The following CROCC2 variants were observed in gnomAD, a reference collection of about 807,000 sequenced individuals.
CROCC2 encodes ciliary rootlet coiled-coil, rootletin family member 2.
In CROCC2, 163 loss-of-function variants were observed where a neutral mutation model predicts 177.6. That is an observed-to-expected ratio of 0.92 (90% CI 0.81 to 1.05). The LOEUF (loss-of-function observed/expected upper bound fraction) is 1.05. CROCC2 is among the 50% of genes least tolerant of loss of function. The pLI, the probability that CROCC2 is intolerant of heterozygous loss-of-function variation, is 0.00. For synonymous variants in CROCC2, 904 were observed against 787.3 expected, an observed-to-expected ratio of 1.15 and a Z score of -2.48; for missense variants, 1,929 against 1,797.8, an observed-to-expected ratio of 1.07 and a Z score of -1.32.
intron 19 of CROCC2, chr2:240,956,322 A>G: frequency 3.5e-6 from 1 of 286,166 alleles, no homozygotes; most frequent in Non-Finnish European, 6.7e-6. Flanking sequence ...CTGCTCGTAG[A>G]AAAGCACAGC....
In CROCC2 at chr2:240,964,601, G is replaced by A; in HGVS notation, c.3441G>A (p.Gln1147=). 1 of 1,549,376 alleles carries A rather than the reference G, an allele frequency of 6.5e-7. No individual in the cohort carries two copies. Among genetic ancestry groups the A allele is most frequent in the East Asian group, 2.4e-5 (1 of 40,882 alleles). Residue 1147 remains glutamine (Q), a synonymous_variant, in exon 22 of 32, where the codon CAG becomes CAA. Coordinates refer to ENST00000690015, the MANE Select transcript of CROCC2 (RefSeq NM_001351305.2). The part of the protein sequence containing the change: ...ELEQAGGDAR[Q]ELRELHRQVR... ...AGCAGGCAGGGGGGGACGCCCGTCA[G>A]GAGCTCCGGGAACTCCACAGACAGG...
chr2:240,936,119 G>A (rs538970109), intron 14 of CROCC2, among the ~76,000 whole-genome samples: 15 of 152,226 alleles, frequency 9.9e-5, no homozygotes, highest in South Asian at 2.1e-4. Flanking sequence ...CGCAGCCCCC[G>A]TCACATTCAG....
chr2:240,925,864 G>T lies in CROCC2; in HGVS notation c.629G>T (p.Arg210Leu), dbSNP rs1222264856. ...CTGCAGGGCGAGCTGGAGCTGAGGC[G>T]CTGGGCCCAGAGACAGGTGCTCCCC... is the stretch of plus-strand genomic sequence containing the variant. ...QRLQGELELR[R>L]WAQRQTRSGG... is the part of the protein sequence containing the mutation. The change falls in exon 5 of 32, where the codon CGC (arginine) becomes CTC (leucine). Residue 210 changes from arginine to leucine, a missense_variant. Physicochemically the swap from Arg to Leu is moderately radical, Grantham distance 102. Coordinates refer to ENST00000690015, the MANE Select transcript of CROCC2 (RefSeq NM_001351305.2). 7 of 713,552 alleles carry T rather than the reference G, an allele frequency of 9.8e-6. No homozygotes were observed. The highest frequency in any genetic ancestry group is 2.0e-5 in the Admixed American group (1 of 49,750). 44.2% of individuals were successfully genotyped at this position (713,552 alleles called of 1,614,324 possible).
At chr2:240,926,739 C>G (rs182797173) in intron 5 of CROCC2, among the ~76,000 whole-genome samples, 2 of 152,384 alleles carry the variant, frequency 1.3e-5, no homozygotes, top group Non-Finnish European at 2.9e-5. Context: ...CCGAGCCCCC[C>G]ACAGCTGCTG....
At chr2:240,959,009 G>C in intron 19 of CROCC2, 1 of 351,806 alleles carries the variant, frequency 2.8e-6, no homozygotes, top group African/African-American at 2.1e-5. Context: ...TCCCTGTAGG[G>C]ATGGGCCCTG....
intron 7 of CROCC2, 99 bp from the exon 8 acceptor site, chr2:240,932,219 G>A (rs1017310050): frequency 1.6e-6 from 1 of 628,784 alleles, no homozygotes; most frequent in African/African-American, 1.8e-5. Context: ...ACCGGCAGGG[G>A]GGCCACCGCA....
At chr2:240,990,733 C>T (rs2059872778) in intron 30 of CROCC2, among the ~76,000 whole-genome samples, 1 of 152,184 alleles carries the variant, frequency 6.6e-6, no homozygotes, top group Non-Finnish European at 1.5e-5. Flanking sequence ...CAGGCACCCA[C>T]CACCATGCCT....
intron 14 of CROCC2, among the ~76,000 whole-genome samples, 178 bp downstream of exon 14, chr2:240,935,766 A>T (rs1009224690): frequency 6.8e-6 from 1 of 147,350 alleles, no homozygotes; most frequent in African/African-American, 2.5e-5. Context: ...GGGGGAAGGT[A>T]TGCAGAGAAG....
chr2:240,965,616 C>T lies in CROCC2; in HGVS notation c.3604-20C>T, dbSNP rs2059676781. 1.3e-6 allele frequency: 2 copies of T among 1,550,000 alleles called. No individual in the cohort carries two copies. The highest frequency in any genetic ancestry group is 2.0e-5 in the Admixed American group (1 of 50,946). On this transcript the variant is annotated intron_variant, in intron 23 of 31. Transcript: ENST00000690015. Reference sequence around the variant, plus strand: ...TTCCTCACTGTCTCCCACGGGCGCACCCCAACATCCCTCCTACAGGTCCTG... The same window carrying T: ...TTCCTCACTGTCTCCCACGGGCGCATCCCAACATCCCTCCTACAGGTCCTG...
At position 240,972,302 on chromosome 2, in the gene CROCC2, C is replaced by A. The variant is rs1179081883; in HGVS notation, c.4401+4040C>A. Among the ~76,000 whole-genome samples the A allele has an allele frequency of 6.6e-6, 1 of 152,134 alleles. No homozygotes were observed. The highest frequency in any genetic ancestry group is 1.5e-5 in the Non-Finnish European group (1 of 68,008). On this transcript the variant is annotated intron_variant, in intron 27 of 31. Coordinates refer to ENST00000690015, the MANE Select transcript of CROCC2 (RefSeq NM_001351305.2). The surrounding 1 kb of genome is among the most constrained non-coding windows in gnomAD (Gnocchi z 7.1). ...AGGGAGCCATGGGGAATATGGGGAGCCAGCAGTGGAGTTCTGGCCCTCCCG... is the reference window on the plus strand; with the variant it reads ...AGGGAGCCATGGGGAATATGGGGAGACAGCAGTGGAGTTCTGGCCCTCCCG...
At position 240,935,582 on chromosome 2, in the gene CROCC2, G is replaced by A. The variant is rs1030073520; in HGVS notation, c.2163G>A (p.Val721=). Residue 721 remains valine, a synonymous_variant, in exon 14 of 32, where the codon GTG becomes GTA. Transcript: ENST00000690015. ...AGAAGGCCCAGCTCCAGGAGCAGGTGGGCCAGGTGAGGACGTCTGCAGGGC... is the reference window on the plus strand; with the variant it reads ...AGAAGGCCCAGCTCCAGGAGCAGGTAGGCCAGGTGAGGACGTCTGCAGGGC... ...GREKAQLQEQ[V]GQVTCQKQAL... The A allele has an allele frequency of 7.3e-7, 1 of 1,371,164 alleles. No individual in the cohort carries two copies. The highest frequency in any genetic ancestry group is 1.7e-5 in the South Asian group (1 of 58,920). 84.9% of individuals were successfully genotyped at this position (1,371,164 alleles called of 1,614,324 possible).
At chr2:240,919,153 G>A (rs1341786200) in intron 2 of CROCC2, among the ~76,000 whole-genome samples, 1 of 143,194 alleles carries the variant, frequency 7.0e-6, no homozygotes, top group African/African-American at 2.7e-5. Context: ...GACAGTCCTG[G>A]GCCTGCAGCT....
chr2:240,964,805 G>A (rs1318306341), intron 22 of CROCC2, among the ~76,000 whole-genome samples, 180 bp downstream of exon 22: 1 of 152,220 alleles, frequency 6.6e-6, no homozygotes, highest in African/African-American at 2.4e-5. Flanking sequence ...TGTCCCCATG[G>A]GGCACAGATG....
intron 18 of CROCC2, among the ~76,000 whole-genome samples, chr2:240,951,725 C>T (rs1262841778): frequency 6.6e-6 from 1 of 152,184 alleles, no homozygotes; most frequent in Admixed American, 6.5e-5. Context: ...TGTCCACAAA[C>T]TCAGCTGTCA....
chr2:240,926,035 G>T (rs866752125), intron 5 of CROCC2, among the ~76,000 whole-genome samples, 155 bp downstream of exon 5: 1 of 152,226 alleles, frequency 6.6e-6, no homozygotes, highest in South Asian at 2.1e-4. Flanking sequence ...TCCCCAACCC[G>T]GCTTGGCCAC....
chr2:240,956,637 T>G (rs1259067795), intron 19 of CROCC2, among the ~76,000 whole-genome samples: 1 of 152,186 alleles, frequency 6.6e-6, no homozygotes, highest in Non-Finnish European at 1.5e-5. Flanking sequence ...TCCAGGGGGC[T>G]GGACAGGCAG....
intron 1 of CROCC2, among the ~76,000 whole-genome samples, chr2:240,907,232 C>T (rs1028642848): frequency 6.6e-6 from 1 of 152,180 alleles, no homozygotes; most frequent in African/African-American, 2.4e-5. Context: ...TCCAGATGTT[C>T]TGGTTCTGTC....
intron 28 of CROCC2, chr2:240,983,326 A>G: frequency 8.0e-7 from 1 of 1,253,518 alleles, no homozygotes; most frequent in Admixed American, 2.8e-5. Context: ...GTTTAGGAGA[A>G]AATAAGTTGA....
intron 28 of CROCC2, among the ~76,000 whole-genome samples, chr2:240,988,006 C>T (rs2059851703): frequency 6.6e-6 from 1 of 152,256 alleles, no homozygotes; most frequent in South Asian, 2.1e-4. Flanking sequence ...CCCAGTGCTG[C>T]TCTCTGTAAG....
Sources: allele counts gnomAD v4.1 joint callset (sites outside exome capture counted in the v4.1 genomes callset), GRCh38; gene constraint gnomAD v4.1.1; non-coding constraint Gnocchi (gnomAD v3.1); transcripts MANE v1.5; gene names NCBI Gene and HGNC (gene_info 2026-07-23, HGNC 2026-07-21).